The following NDUFAF6 variants were observed in gnomAD, a reference collection of about 807,000 sequenced individuals.
NDUFAF6 encodes the protein NADH dehydrogenase (ubiquinone) complex I, assembly factor 6.
In NDUFAF6, 45 loss-of-function variants were observed where a neutral mutation model predicts 40.8. That is an observed-to-expected ratio of 1.10 (90% CI 0.87 to 1.42). NDUFAF6 has a LOEUF of 1.42. NDUFAF6 is among the 40% of genes most tolerant of loss of function. NDUFAF6 has a pLI of 0.00. For synonymous variants in NDUFAF6, 185 were observed against 155.9 expected (o/e 1.19, Z -1.39); for missense variants, 435 against 418.5 (o/e 1.04, Z -0.34).
At chr8:95,086,178 C>A (rs1030136483) in intron 2 of NDUFAF6, among the ~76,000 whole-genome samples, 3 of 152,148 alleles carry the variant, frequency 2.0e-5, no homozygotes, top group African/African-American at 7.2e-5. Context: ...AGGAGAAAAA[C>A]CTGACCAGGA....
At chr8:95,106,801 AC>A (rs1202814044), downstream of NDUFAF6, among the ~76,000 whole-genome samples, 1 of 152,068 alleles carries the variant, frequency 6.6e-6, no homozygotes, top group Non-Finnish European at 1.5e-5. Context: ...AAACCAAACA[AC>A]CCCATCAAAA....
At chr8:95,016,931 CTTTTT>C (rs34316218) in intron 2 of NDUFAF6, among the ~76,000 whole-genome samples, 3 of 108,026 alleles carry the variant, frequency 2.8e-5, no homozygotes, top group African/African-American at 7.1e-5. Flanking sequence ...TCCTCCTCCT[CTTTTT>C]TTTTTTTTTT....
chr8:94,939,598 A>G (rs934158049), intron 1 of NDUFAF6: 24 of 410,200 alleles, frequency 5.9e-5, no homozygotes, highest in Middle Eastern at 7.2e-4. Flanking sequence ...GGGTTTCACC[A>G]TGTTGCCCAG....
intron 2 of NDUFAF6, among the ~76,000 whole-genome samples, chr8:94,981,529 A>T (rs1825440252): frequency 6.6e-6 from 1 of 152,196 alleles, no homozygotes; most frequent in South Asian, 2.1e-4. Context: ...CCTAAGAATT[A>T]AGCAACACAT....
intron 7 of NDUFAF6, among the ~76,000 whole-genome samples, chr8:95,048,875 G>A (rs1333742937): frequency 6.6e-6 from 1 of 152,066 alleles, no homozygotes; most frequent in African/African-American, 2.4e-5. Context: ...GATGCCTCTC[G>A]TCCCCCTCCC....
At chr8:94,966,822 A>G (rs896945821) in intron 1 of NDUFAF6, among the ~76,000 whole-genome samples, 1 of 152,198 alleles carries the variant, frequency 6.6e-6, no homozygotes, top group African/African-American at 2.4e-5. Flanking sequence ...GCAGCGGGAA[A>G]GCGGAAGAGG....
At chr8:94,987,413 A>G (rs1207842983) in intron 2 of NDUFAF6, among the ~76,000 whole-genome samples, 2 of 152,168 alleles carry the variant, frequency 1.3e-5, no homozygotes, top group Non-Finnish European at 2.9e-5. Flanking sequence ...AATGGAATAA[A>G]CACTCTTCCC....
chr8:94,974,883 G>A (rs1164167602), intron 1 of NDUFAF6: 1 of 152,438 alleles, frequency 6.6e-6, no homozygotes, highest in East Asian at 1.9e-4. Context: ...TAGAGGCGTG[G>A]TGCTCACTTC....
At chr8:95,070,258 T>G (rs1376497972) in intron 9 of NDUFAF6, among the ~76,000 whole-genome samples, 1 of 152,194 alleles carries the variant, frequency 6.6e-6, no homozygotes, top group Non-Finnish European at 1.5e-5. Context: ...TAAAATGGCC[T>G]AGTGATAGTG....
chr8:95,104,294 G>A (rs577518940), downstream of NDUFAF6, among the ~76,000 whole-genome samples: 6 of 152,158 alleles, frequency 3.9e-5, no homozygotes, highest in South Asian at 2.1e-4. Flanking sequence ...TCATTCTTCC[G>A]TGGAAATAAT....
chr8:95,096,221 G>T (rs1048835023), upstream of NDUFAF6, among the ~76,000 whole-genome samples: 2 of 152,326 alleles, frequency 1.3e-5, no homozygotes, highest in Admixed American at 1.3e-4. Context: ...GGTATGGAAA[G>T]TTGGAGTGAG....
At chr8:95,007,492 CA>C (rs1827044828) in intron 2 of NDUFAF6, among the ~76,000 whole-genome samples, 1 of 151,926 alleles carries the variant, frequency 6.6e-6, no homozygotes, top group Admixed American at 6.6e-5. Context: ...AGTTAGACCC[CA>C]TTTCTACAAA....
intron 2 of NDUFAF6, among the ~76,000 whole-genome samples, chr8:95,092,487 T>C (rs1338555430): frequency 6.6e-6 from 1 of 151,736 alleles, no homozygotes; most frequent in Non-Finnish European, 1.5e-5. Context: ...TGGCCCCCTA[T>C]GACATAATTT....
intron 2 of NDUFAF6, among the ~76,000 whole-genome samples, chr8:95,093,276 A>G (rs1809329451): frequency 6.6e-6 from 1 of 152,196 alleles, no homozygotes. Context: ...GATAATATCT[A>G]TCTTTGGGGT....
In NDUFAF6 at chr8:94,909,660, G is replaced by A. The variant is rs182671414; in HGVS notation, c.-936+13733G>A. Among the ~76,000 whole-genome samples the A allele has an allele frequency of 1.3e-4, 19 of 151,702 alleles. No individual in the cohort carries two copies. In the East Asian group the frequency reaches 2.1e-3, roughly 17 times the overall value. On this transcript the variant is annotated intron_variant, in intron 1 of 14. Coordinates refer to the NDUFAF6 transcript ENST00000396113. ...AAAAATTTTTTTCAAAAAGCCAGCC[G>A]GGCGTGGTAGCTCCTAGCATTTTGG...
intron 1 of NDUFAF6, chr8:94,896,321 G>A (rs938348287): frequency 6.8e-6 from 1 of 146,814 alleles, no homozygotes; most frequent in East Asian, 2.0e-4. Flanking sequence ...CCGGCAGCGC[G>A]GGAGGGCGCC....
At position 95,041,643 on chromosome 8, in the gene NDUFAF6, CAA is replaced by C. The variant is rs749478570; in HGVS notation, c.477+18_477+19del. ...GATGAAAGAGTGAGTCAAAATTGTT[CAA>C]GTCTTAAGTTTTTTCTTCCTGTTTA... On this transcript the variant is annotated intron_variant, in intron 4 of 8. Transcript: ENST00000396124. 4.4e-6 allele frequency: 7 copies of C among 1,601,654 alleles called. No homozygotes were observed. In the East Asian group the frequency reaches 1.3e-4, roughly 31 times the overall value.
chr8:94,955,877 C>T (rs1168897006), upstream of NDUFAF6, among the ~76,000 whole-genome samples: 1 of 152,224 alleles, frequency 6.6e-6, no homozygotes, highest in Non-Finnish European at 1.5e-5. Context: ...AAAGAAGTCC[C>T]TCCCTAGCAC....
At chr8:94,932,025 C>T in intron 1 of NDUFAF6, 1 of 1,578,484 alleles carries the variant, frequency 6.3e-7, no homozygotes, top group South Asian at 1.2e-5. Context: ...CCTTTGCCTC[C>T]CTATGCATAC....
Sources: allele counts gnomAD v4.1 joint callset (sites outside exome capture counted in the v4.1 genomes callset), GRCh38; gene constraint gnomAD v4.1.1; transcripts MANE v1.5; gene names NCBI Gene and HGNC (gene_info 2026-07-23, HGNC 2026-07-21).